RPSA2: variants seen among roughly 807,000 people sequenced by gnomAD.
RPSA2 encodes ribosomal protein SA 2.
chr19:23,866,406 A>G, the RPSA2 span, among the ~76,000 whole-genome samples: 1 of 152,224 alleles, frequency 6.6e-6, no homozygotes, highest in Non-Finnish European at 1.5e-5. Flanking sequence ...AAAGGAGCCA[A>G]GGATCAAACC....
chr19:23,812,037 G>C, the RPSA2 span, among the ~76,000 whole-genome samples: 1 of 152,100 alleles, frequency 6.6e-6, no homozygotes, highest in Admixed American at 6.5e-5. Flanking sequence ...CACAGTTACA[G>C]TCAAACATTG....
chr19:23,853,944 C>T, the RPSA2 span, among the ~76,000 whole-genome samples: 1 of 152,222 alleles, frequency 6.6e-6, no homozygotes, highest in Admixed American at 6.5e-5. Context: ...ATCCCAGTAT[C>T]TACTAGGCCA....
At chr19:23,852,837 T>C in the RPSA2 span, among the ~76,000 whole-genome samples, 1,165 of 152,344 alleles carry the variant, frequency 7.6e-3, 19 homozygotes, top group African/African-American at 0.026. Flanking sequence ...GAATCTCTCC[T>C]AATCTGAACA....
chr19:23,808,767 A>G, the RPSA2 span: 1 of 920,498 alleles, frequency 1.1e-6, no homozygotes. Flanking sequence ...GAGCGAGAAA[A>G]AGAGCCCTGG....
chr19:23,773,635 T>C, the RPSA2 span, among the ~76,000 whole-genome samples: 1 of 152,144 alleles, frequency 6.6e-6, no homozygotes, highest in African/African-American at 2.4e-5. Context: ...ATCATCATTT[T>C]CTCACATAAA....
the RPSA2 span, among the ~76,000 whole-genome samples, chr19:23,829,860 C>T: frequency 1.1e-4 from 16 of 152,028 alleles, no homozygotes; most frequent in African/African-American, 3.6e-4. Flanking sequence ...TTCTGCGTCA[C>T]TAGGATAATG....
At chr19:23,851,493 C>T in the RPSA2 span, among the ~76,000 whole-genome samples, 4 of 152,128 alleles carry the variant, frequency 2.6e-5, no homozygotes, top group African/African-American at 9.7e-5. Context: ...CATTGGTGAA[C>T]CACCTGTTGT....
chr19:23,862,896 C>CTTTTTTTTTTTTTTTTTTTT, the RPSA2 span, among the ~76,000 whole-genome samples: 3 of 142,730 alleles, frequency 2.1e-5, no homozygotes, highest in African/African-American at 5.1e-5. Context: ...TTCTTTCTTT[C>CTTTTTTTTTTTTTTTTTTTT]TTTTTTTTTT....
chr19:23,829,243 T>C, the RPSA2 span, among the ~76,000 whole-genome samples: 1 of 152,212 alleles, frequency 6.6e-6, no homozygotes, highest in Admixed American at 6.5e-5. Context: ...CTTTGTGTCT[T>C]ATTCTCTTTC....
the RPSA2 span, among the ~76,000 whole-genome samples, chr19:23,799,925 A>G: frequency 6.6e-6 from 1 of 151,954 alleles, no homozygotes; most frequent in Non-Finnish European, 1.5e-5. Flanking sequence ...CTTGTGAACT[A>G]TTTATGGTAA....
chr19:23,833,950 A>C, the RPSA2 span, among the ~76,000 whole-genome samples: 1 of 152,126 alleles, frequency 6.6e-6, no homozygotes, highest in Non-Finnish European at 1.5e-5. Flanking sequence ...AATATAATAA[A>C]TTTGGAAAAA....
chr19:23,767,532 T>G, the RPSA2 span, among the ~76,000 whole-genome samples: 1 of 152,122 alleles, frequency 6.6e-6, no homozygotes, highest in East Asian at 1.9e-4. Flanking sequence ...AGTAAGGCAA[T>G]GCAAGAACCT....
the RPSA2 span, among the ~76,000 whole-genome samples, chr19:23,772,850 C>T: frequency 2.7e-3 from 410 of 152,306 alleles, 1 homozygote; most frequent in African/African-American, 9.4e-3. Context: ...GGACTACTAT[C>T]CAAACCCAAC....
At chr19:23,784,651 G>A in the RPSA2 span, among the ~76,000 whole-genome samples, 1 of 152,158 alleles carries the variant, frequency 6.6e-6, no homozygotes, top group Non-Finnish European at 1.5e-5. Context: ...CAGCACACAG[G>A]TGGATACTGT....
the RPSA2 span, chr19:23,809,379 GT>G: frequency 6.6e-6 from 1 of 151,770 alleles, no homozygotes; most frequent in African/African-American, 2.4e-5. Context: ...ATGTTTTAGG[GT>G]TGTGTTTTTC....
the RPSA2 span, among the ~76,000 whole-genome samples, chr19:23,828,599 T>C: frequency 6.7e-6 from 1 of 149,522 alleles, no homozygotes; most frequent in African/African-American, 2.5e-5. Context: ...TCTCATTCCA[T>C]TTTGGTCATA....
the RPSA2 span, among the ~76,000 whole-genome samples, chr19:23,851,600 C>G: frequency 3.6e-3 from 541 of 152,196 alleles, 4 homozygotes; most frequent in African/African-American, 0.012. Context: ...GAATCAGAGA[C>G]AATATTTAAA....
chr19:23,778,449 G>A, the RPSA2 span, among the ~76,000 whole-genome samples: 1 of 152,114 alleles, frequency 6.6e-6, no homozygotes, highest in African/African-American at 2.4e-5. Flanking sequence ...CCTGACCTCA[G>A]GTTATCTGCC....
At chr19:23,852,942 C>G in the RPSA2 span, among the ~76,000 whole-genome samples, 1 of 152,196 alleles carries the variant, frequency 6.6e-6, no homozygotes, top group East Asian at 1.9e-4. Context: ...TGTAATCCAG[C>G]TTCTGTAACT....
Sources: allele counts gnomAD v4.1 joint callset (sites outside exome capture counted in the v4.1 genomes callset), GRCh38; gene constraint gnomAD v4.1.1; transcripts MANE v1.5; gene names NCBI Gene and HGNC (gene_info 2026-07-23, HGNC 2026-07-21).